The following ST8SIA6 variants were observed in gnomAD, a reference collection of about 807,000 sequenced individuals.
ST8SIA6 encodes the protein alpha-2,8-sialyltransferase 8F.
ST8SIA6 carries 39 observed loss-of-function variants against 33.6 expected under a neutral mutation model. The ratio of observed to expected loss-of-function variants is 1.16; its 90% confidence interval spans 0.90 to 1.52. ST8SIA6 has a LOEUF of 1.52. Ranked by LOEUF, ST8SIA6 falls within the 40% of genes most tolerant of loss-of-function variation. The pLI is 0.00. For missense variants in ST8SIA6, 441 were observed against 443.8 expected (o/e 0.99, Z 0.06); for synonymous variants, 172 against 167.2 (o/e 1.03, Z -0.22).
chr10:17,360,166 T>A (rs1190910775), intron 3 of ST8SIA6, among the ~76,000 whole-genome samples: 3 of 152,156 alleles, frequency 2.0e-5, no homozygotes, highest in Admixed American at 2.0e-4. Context: ...CCCTGGTAGA[T>A]CTCTCCCTGT....
At chr10:17,394,728 T>C (rs1236608339) in intron 2 of ST8SIA6, among the ~76,000 whole-genome samples, 1 of 152,184 alleles carries the variant, frequency 6.6e-6, no homozygotes, top group African/African-American at 2.4e-5. Flanking sequence ...GAGAGGACAC[T>C]AGCTGTGAGC....
intron 2 of ST8SIA6, among the ~76,000 whole-genome samples, chr10:17,395,647 C>G (rs1335102067): frequency 6.6e-6 from 1 of 152,152 alleles, no homozygotes; most frequent in African/African-American, 2.4e-5. Context: ...CTTTGGGAGG[C>G]CAAGGCGGGC....
intron 3 of ST8SIA6, among the ~76,000 whole-genome samples, chr10:17,371,783 TAA>T (rs747851635): frequency 4.6e-4 from 45 of 98,522 alleles, no homozygotes; most frequent in East Asian, 9.2e-4. Context: ...AAGACTCCAT[TAA>T]AAAAAAAAAA....
intron 2 of ST8SIA6, among the ~76,000 whole-genome samples, chr10:17,406,375 C>A (rs1851258162): frequency 6.6e-6 from 1 of 152,190 alleles, no homozygotes; most frequent in Admixed American, 6.5e-5. Context: ...TTTCCCACTT[C>A]TAGGATCCTG....
At chr10:17,382,140 TG>T (rs2131645244) in intron 3 of ST8SIA6, among the ~76,000 whole-genome samples, 1 of 152,332 alleles carries the variant, frequency 6.6e-6, no homozygotes, top group Non-Finnish European at 1.5e-5. Flanking sequence ...GTAAATGTAA[TG>T]GGATAAATAC....
intron 4 of ST8SIA6, among the ~76,000 whole-genome samples, chr10:17,344,798 G>A (rs1212457911): frequency 6.6e-6 from 1 of 152,174 alleles, no homozygotes; most frequent in Non-Finnish European, 1.5e-5. Flanking sequence ...ACAGGTTAAG[G>A]GGCTGCAGGT....
intron 2 of ST8SIA6, among the ~76,000 whole-genome samples, chr10:17,432,406 G>A (rs766659572): frequency 7.2e-5 from 11 of 152,134 alleles, no homozygotes; most frequent in Non-Finnish European, 1.6e-4. Context: ...AGGAGGAGAA[G>A]GTCCTTTTCC....
intron 2 of ST8SIA6, among the ~76,000 whole-genome samples, chr10:17,428,811 A>G (rs1436606049): frequency 6.6e-6 from 1 of 152,218 alleles, no homozygotes; most frequent in Non-Finnish European, 1.5e-5. Flanking sequence ...AAATTCGAGG[A>G]AGCAAGTAAT....
intron 2 of ST8SIA6, among the ~76,000 whole-genome samples, chr10:17,448,628 G>GTTGTTGTTGTTGTTGT (rs371422004): frequency 3.3e-5 from 5 of 151,406 alleles, no homozygotes; most frequent in African/African-American, 1.2e-4. Flanking sequence ...TGTTGTTGTT[G>GTTGTTGTTGTTGTTGT]TTTTTGAGAC....
At chr10:17,419,011 A>AAAAG (rs1851693870) in intron 2 of ST8SIA6, among the ~76,000 whole-genome samples, 1 of 151,132 alleles carries the variant, frequency 6.6e-6, no homozygotes, top group African/African-American at 2.4e-5. Flanking sequence ...AAAAAAAAAA[A>AAAAG]AAAAGAAAAA....
chr10:17,333,825 A>T (rs191019607), intron 4 of ST8SIA6, among the ~76,000 whole-genome samples: 1 of 144,580 alleles, frequency 6.9e-6, no homozygotes, highest in African/African-American at 2.6e-5. Context: ...GGGTTCAAGC[A>T]ATTCTCCTGC....
intron 3 of ST8SIA6, among the ~76,000 whole-genome samples, chr10:17,385,512 A>G (rs1041179320): frequency 1.3e-5 from 2 of 151,574 alleles, no homozygotes; most frequent in South Asian, 2.1e-4. Flanking sequence ...GGGCAGTTTT[A>G]TAGGATTTAG....
chr10:17,420,818 A>G (rs1239706547), intron 2 of ST8SIA6, among the ~76,000 whole-genome samples: 1 of 152,116 alleles, frequency 6.6e-6, no homozygotes, highest in Non-Finnish European at 1.5e-5. Context: ...GGTTTAATTG[A>G]CTCACAGTTC....
At chr10:17,416,205 C>T (rs548178961) in intron 2 of ST8SIA6, among the ~76,000 whole-genome samples, 23 of 152,256 alleles carry the variant, frequency 1.5e-4, no homozygotes, top group African/African-American at 5.3e-4. Flanking sequence ...CTTTCTGCAT[C>T]CCTGGCTGCT....
chr10:17,433,137 C>T (rs1329337239), intron 2 of ST8SIA6, among the ~76,000 whole-genome samples: 2 of 152,164 alleles, frequency 1.3e-5, no homozygotes, highest in East Asian at 3.8e-4. Flanking sequence ...TGACAGGTCA[C>T]ATCCCAACTT....
At chr10:17,370,836 T>C (rs1588850974) in intron 3 of ST8SIA6, among the ~76,000 whole-genome samples, 2 of 152,356 alleles carry the variant, frequency 1.3e-5, no homozygotes, top group Admixed American at 6.5e-5. Context: ...AACTTTGTCC[T>C]TTATTTTGAG....
intron 2 of ST8SIA6, among the ~76,000 whole-genome samples, chr10:17,412,887 A>C (rs548959551): frequency 1.9e-4 from 29 of 152,356 alleles, no homozygotes; most frequent in African/African-American, 6.0e-4. Flanking sequence ...TGGATATCCC[A>C]AGTATACTGA....
chr10:17,373,213 C>T (rs4526679), intron 3 of ST8SIA6, among the ~76,000 whole-genome samples: 1 of 151,918 alleles, frequency 6.6e-6, no homozygotes, highest in Non-Finnish European at 1.5e-5. Flanking sequence ...GCAGATCTTA[C>T]ACCAATTTCA....
At chr10:17,442,336 A>G (rs979046113) in intron 2 of ST8SIA6, among the ~76,000 whole-genome samples, 1 of 152,222 alleles carries the variant, frequency 6.6e-6, no homozygotes, top group East Asian at 1.9e-4. Context: ...CTACTCACAT[A>G]TGTGAGTAGT....
Sources: allele counts gnomAD v4.1 joint callset (sites outside exome capture counted in the v4.1 genomes callset), GRCh38; gene constraint gnomAD v4.1.1; transcripts MANE v1.5; gene names NCBI Gene and HGNC (gene_info 2026-07-23, HGNC 2026-07-21).